Variants in INSL6 observed in about 807,000 individuals in gnomAD.
INSL6 encodes the protein insulin like 6, also known as insulin-like peptide INSL6.
INSL6 carries 16 observed loss-of-function variants against 9.4 expected under a neutral mutation model. The ratio of observed to expected loss-of-function variants is 1.70; its 90% CI spans 1.15 to 2.59. INSL6 has a LOEUF of 2.59. INSL6 is among the 30% of genes most tolerant of loss of function. The pLI is 0.00. For missense variants in INSL6, 391 were observed against 257.3 expected (o/e 1.52, Z -3.56); for synonymous variants, 154 against 96.9 (o/e 1.59, Z -3.46).
chr9:5,166,862 C>A (rs1300881151), intron 1 of INSL6, among the ~76,000 whole-genome samples: 4 of 152,072 alleles, frequency 2.6e-5, no homozygotes, highest in Non-Finnish European at 5.9e-5. Flanking sequence ...TTTAAAAACT[C>A]ATTTGACTTT....
intron 1 of INSL6, among the ~76,000 whole-genome samples, chr9:5,167,727 C>G (rs1825087020): frequency 6.6e-6 from 1 of 152,212 alleles, no homozygotes; most frequent in African/African-American, 2.4e-5. Flanking sequence ...CACAACACAC[C>G]TGCTCTACCA....
At chr9:5,036,512 C>T in the INSL6 span, among the ~76,000 whole-genome samples, 2 of 152,198 alleles carry the variant, frequency 1.3e-5, no homozygotes, top group African/African-American at 4.8e-5. Context: ...CAGCATGGTA[C>T]TGGTATCAAA....
chr9:5,049,412 T>TTG, the INSL6 span, among the ~76,000 whole-genome samples: 1 of 152,324 alleles, frequency 6.6e-6, no homozygotes, highest in East Asian at 1.9e-4. Context: ...TCTGGTGCTT[T>TTG]TGTGTGTGTG....
the INSL6 span, among the ~76,000 whole-genome samples, chr9:5,017,623 A>G: frequency 1.3e-5 from 2 of 152,200 alleles, no homozygotes; most frequent in African/African-American, 2.4e-5. Context: ...TTATTGCTAT[A>G]AACTTCCCTC....
chr9:5,092,638 C>G, the INSL6 span, among the ~76,000 whole-genome samples: 2 of 152,134 alleles, frequency 1.3e-5, no homozygotes, highest in African/African-American at 4.8e-5. Context: ...AGCCCTTATA[C>G]CTTCTGCATA....
the INSL6 span, among the ~76,000 whole-genome samples, chr9:5,074,513 A>G: frequency 3.3e-5 from 5 of 152,166 alleles, no homozygotes; most frequent in South Asian, 2.1e-4. Flanking sequence ...TAATGCTAGT[A>G]TTGTAATTAT....
intron 2 of INSL6, among the ~76,000 whole-genome samples, chr9:5,145,493 A>G (rs771549525): frequency 9.9e-5 from 15 of 152,068 alleles, no homozygotes; most frequent in Non-Finnish European, 2.1e-4. Context: ...CTGAATTTGA[A>G]CGTTTGCCTG....
intron 2 of INSL6, among the ~76,000 whole-genome samples, chr9:5,153,720 C>G (rs1824759789): frequency 6.6e-6 from 1 of 152,174 alleles, no homozygotes; most frequent in African/African-American, 2.4e-5. Flanking sequence ...GTCCCATTCA[C>G]AACTGCTACT....
intron 1 of INSL6, 90 bp downstream of exon 1, chr9:5,185,224 T>C (rs1444033857): frequency 1.3e-6 from 2 of 1,539,436 alleles, no homozygotes; most frequent in Non-Finnish European, 1.8e-6. Flanking sequence ...CAAATTCCAC[T>C]TCCTGGGGAA....
At chr9:5,113,016 G>GT in the INSL6 span, among the ~76,000 whole-genome samples, 1 of 152,014 alleles carries the variant, frequency 6.6e-6, no homozygotes, top group African/African-American at 2.4e-5. Context: ...GGCAAGGAAG[G>GT]TGAGTGATGG....
the INSL6 span, among the ~76,000 whole-genome samples, chr9:5,086,644 T>G: frequency 6.6e-6 from 1 of 152,218 alleles, no homozygotes; most frequent in African/African-American, 2.4e-5. Context: ...TTATGTTAAA[T>G]GAGTTCCTTT....
chr9:5,175,283 T>C (rs1433787437), intron 1 of INSL6, among the ~76,000 whole-genome samples: 8 of 152,146 alleles, frequency 5.3e-5, no homozygotes, highest in Admixed American at 1.3e-4. Context: ...TCACATCAAA[T>C]ATGGCCCGTG....
chr9:5,136,393 C>A (rs939653841), intron 2 of INSL6, among the ~76,000 whole-genome samples: 1 of 152,170 alleles, frequency 6.6e-6, no homozygotes, highest in Non-Finnish European at 1.5e-5. Flanking sequence ...CAAACTGAAT[C>A]CAGCAGCACA....
At chr9:5,093,199 T>C in the INSL6 span, among the ~76,000 whole-genome samples, 1 of 152,194 alleles carries the variant, frequency 6.6e-6, no homozygotes, top group Non-Finnish European at 1.5e-5. Flanking sequence ...CATCCTATTA[T>C]TTATACTGTT....
downstream of INSL6, among the ~76,000 whole-genome samples, chr9:5,123,604 A>G (rs942865884): frequency 2.0e-5 from 3 of 152,140 alleles, no homozygotes; most frequent in Middle Eastern, 3.4e-3. Context: ...GAATGCTGCA[A>G]TAAACATACA....
chr9:4,996,962 C>T, the INSL6 span, among the ~76,000 whole-genome samples: 1 of 126,728 alleles, frequency 7.9e-6, no homozygotes, highest in African/African-American at 3.1e-5. Flanking sequence ...GATGGTTTCA[C>T]TGTCACTCAG....
At chr9:5,104,882 T>A in the INSL6 span, among the ~76,000 whole-genome samples, 12 of 152,172 alleles carry the variant, frequency 7.9e-5, no homozygotes, top group African/African-American at 2.7e-4. Flanking sequence ...AAACTCTCAA[T>A]AAACTAGGTA....
chr9:5,048,167 A>C, the INSL6 span, among the ~76,000 whole-genome samples: 13 of 151,232 alleles, frequency 8.6e-5, no homozygotes, highest in African/African-American at 3.2e-4. Flanking sequence ...TTTGAGATGG[A>C]GTCTCCCACT....
At chr9:5,087,055 C>A in the INSL6 span, among the ~76,000 whole-genome samples, 1 of 152,106 alleles carries the variant, frequency 6.6e-6, no homozygotes, top group Non-Finnish European at 1.5e-5. Flanking sequence ...AGATATAAAT[C>A]TTTATTGTTT....
Sources: gnomAD v4.1 joint callset for allele counts (sites outside exome capture counted in the v4.1 genomes callset) on GRCh38, gnomAD v4.1.1 for gene constraint, MANE v1.5 for transcripts, NCBI Gene and HGNC (gene_info 2026-07-23, HGNC 2026-07-21) for gene names.